Variants in F13A1 observed in about 807,000 individuals in gnomAD.
F13A1 encodes the protein FSF, A subunit.
In F13A1, 47 loss-of-function variants were observed where a neutral mutation model predicts 80.1. The ratio of observed to expected loss-of-function variants is 0.59; its 90% confidence interval spans 0.46 to 0.75. F13A1 has a LOEUF of 0.75. Ranked by LOEUF, F13A1 falls within the 30% of genes least tolerant of loss-of-function variation. The pLI is 0.00. For missense variants in F13A1, 817 were observed against 930.4 expected (o/e 0.88, Z 1.59); for synonymous variants, 349 against 344.9 (o/e 1.01, Z -0.13).
At chr6:6,313,941 C>T (rs1371331129) in intron 2 of F13A1, among the ~76,000 whole-genome samples, 16 of 151,372 alleles carry the variant, frequency 1.1e-4, no homozygotes, top group Admixed American at 4.6e-4. Context: ...TGGAGTATCT[C>T]TACAGCTTCC....
chr6:6,290,664 T>G (rs57129057), intron 3 of F13A1, among the ~76,000 whole-genome samples: 8,512 of 152,278 alleles, frequency 0.056, 621 homozygotes, highest in African/African-American at 0.17. Flanking sequence ...CAGGTGTTCA[T>G]AGAGAACACA....
intron 8 of F13A1, among the ~76,000 whole-genome samples, chr6:6,201,442 T>C (rs1761392520): frequency 6.6e-6 from 1 of 152,060 alleles, no homozygotes; most frequent in African/African-American, 2.4e-5. Context: ...CCTCCATCAA[T>C]GGGTGGAAAG....
intron 3 of F13A1, among the ~76,000 whole-genome samples, chr6:6,272,173 G>T (rs891773306): frequency 9.9e-5 from 15 of 152,176 alleles, no homozygotes; most frequent in Non-Finnish European, 4.4e-5. Context: ...CCCACTAGAA[G>T]AATTCATTGC....
At chr6:6,242,421 A>G (rs1757495265) in intron 6 of F13A1, among the ~76,000 whole-genome samples, 1 of 152,306 alleles carries the variant, frequency 6.6e-6, no homozygotes, top group South Asian at 2.1e-4. Context: ...ATATTAGCAA[A>G]AGGCCAGGGT....
At chr6:6,227,793 G>A (rs1232305382) in intron 6 of F13A1, among the ~76,000 whole-genome samples, 1 of 152,146 alleles carries the variant, frequency 6.6e-6, no homozygotes, top group African/African-American at 2.4e-5. Context: ...CAGCTAAGGG[G>A]AAGAGTAAGG....
chr6:6,204,466 A>G (rs1191862863), intron 8 of F13A1, among the ~76,000 whole-genome samples: 2 of 152,230 alleles, frequency 1.3e-5, no homozygotes, highest in Non-Finnish European at 2.9e-5. Flanking sequence ...TCATTTGTGT[A>G]TTTGTAGCAG....
At chr6:6,186,870 T>G (rs1414795683) in intron 10 of F13A1, among the ~76,000 whole-genome samples, 1 of 149,000 alleles carries the variant, frequency 6.7e-6, no homozygotes, top group Non-Finnish European at 1.5e-5. Flanking sequence ...GGAATATTCT[T>G]CCATTTGTTT....
At chr6:6,196,825 G>A (rs1208804244) in intron 9 of F13A1, among the ~76,000 whole-genome samples, 2 of 152,098 alleles carry the variant, frequency 1.3e-5, no homozygotes, top group Non-Finnish European at 1.5e-5. Context: ...CAATTTAAAG[G>A]ATGATCTATA....
At chr6:6,248,781 A>G (rs1412028719) in intron 5 of F13A1, among the ~76,000 whole-genome samples, 1 of 152,230 alleles carries the variant, frequency 6.6e-6, no homozygotes, top group African/African-American at 2.4e-5. Flanking sequence ...TCATTTACCA[A>G]AGTCAGGCCA....
intron 13 of F13A1, among the ~76,000 whole-genome samples, chr6:6,153,222 A>T (rs987593550): frequency 6.6e-6 from 1 of 152,240 alleles, no homozygotes; most frequent in Non-Finnish European, 1.5e-5. Flanking sequence ...TTTAGCCACT[A>T]TATAATATGG....
At chr6:6,194,110 T>C (rs1761248458) in intron 10 of F13A1, among the ~76,000 whole-genome samples, 1 of 152,168 alleles carries the variant, frequency 6.6e-6, no homozygotes, top group Admixed American at 6.5e-5. Context: ...CCTTTCCATC[T>C]CTGGCTTGGA....
At chr6:6,300,773 A>G (rs778984980) in intron 3 of F13A1, among the ~76,000 whole-genome samples, 2 of 150,952 alleles carry the variant, frequency 1.3e-5, no homozygotes, top group African/African-American at 2.4e-5. Context: ...TCCCCCCGAG[A>G]TTCTTTTAAG....
intron 13 of F13A1, among the ~76,000 whole-genome samples, chr6:6,161,551 T>TGTGAGAGA (rs1010361754): frequency 1.4e-5 from 2 of 146,282 alleles, no homozygotes; most frequent in Non-Finnish European, 3.0e-5. Flanking sequence ...TGTGTGTGTG[T>TGTGAGAGA]GAGAGAGAGA....
intron 6 of F13A1, among the ~76,000 whole-genome samples, chr6:6,236,635 G>A (rs1757417687): frequency 6.6e-6 from 1 of 151,906 alleles, no homozygotes; most frequent in African/African-American, 2.4e-5. Context: ...CATTTTATAT[G>A]GCTATGATGA....
chr6:6,217,602 G>A (rs1035976928), intron 8 of F13A1, among the ~76,000 whole-genome samples: 1 of 151,896 alleles, frequency 6.6e-6, no homozygotes, highest in Non-Finnish European at 1.5e-5. Context: ...TGGGTGCAGC[G>A]CACCAGCATG....
chr6:6,204,766 G>A (rs1372807682), intron 8 of F13A1, among the ~76,000 whole-genome samples: 1 of 152,248 alleles, frequency 6.6e-6, no homozygotes, highest in East Asian at 1.9e-4. Context: ...AGAGGAAAGA[G>A]GCATGCTGCA....
At chr6:6,317,368 A>G (rs1045967001) in intron 2 of F13A1, among the ~76,000 whole-genome samples, 1 of 152,038 alleles carries the variant, frequency 6.6e-6, no homozygotes, top group African/African-American at 2.4e-5. Flanking sequence ...CAGCTGGGAG[A>G]CAGATTTCAG....
At chr6:6,273,493 C>T in intron 3 of F13A1, among the ~76,000 whole-genome samples, 1 of 152,170 alleles carries the variant, frequency 6.6e-6, no homozygotes, top group East Asian at 1.9e-4. Flanking sequence ...TATATAAACA[C>T]ATTTTAAGCT....
At chr6:6,242,303 G>C (rs1757493428) in intron 6 of F13A1, among the ~76,000 whole-genome samples, 1 of 152,148 alleles carries the variant, frequency 6.6e-6, no homozygotes, top group Non-Finnish European at 1.5e-5. Flanking sequence ...CAATGCTAAA[G>C]AGTACATCGA....
Sources: allele counts gnomAD v4.1 joint callset (sites outside exome capture counted in the v4.1 genomes callset), GRCh38; gene constraint gnomAD v4.1.1; transcripts MANE v1.5; gene names NCBI Gene and HGNC (gene_info 2026-07-23, HGNC 2026-07-21).